Variants in FRMPD4 observed in about 807,000 individuals in gnomAD.
FRMPD4 encodes the protein FERM and PDZ domain-containing protein 4.
Under a neutral mutation model 94.1 loss-of-function variants are expected in FRMPD4, and 22 were observed. That is an observed-to-expected ratio of 0.23 (90% CI 0.17 to 0.33). The LOEUF is 0.33. FRMPD4 is among the 10% of genes least tolerant of loss of function. The pLI is 1.00. For synonymous variants in FRMPD4, 631 were observed against 548.6 expected (o/e 1.15, Z -2.10); for missense variants, 1,111 against 1,339.9 (o/e 0.83, Z 2.67).
At chrX:12,540,957 A>G (rs1397017842) in intron 2 of FRMPD4, among the ~76,000 whole-genome samples, 2 of 112,095 alleles carry the variant, frequency 1.8e-5, no homozygotes, top group Non-Finnish European at 3.8e-5. Flanking sequence ...GCCCAACTAC[A>G]TGGAAACTGA....
At chrX:12,166,715 G>C (rs1208383124) in intron 1 of FRMPD4, among the ~76,000 whole-genome samples, 2 of 111,238 alleles carry the variant, frequency 1.8e-5, no homozygotes, top group Middle Eastern at 4.6e-3. Context: ...ATTAATTATT[G>C]CCTCAATTTC....
intron 3 of FRMPD4, among the ~76,000 whole-genome samples, chrX:12,037,388 C>T: frequency 9.0e-6 from 1 of 111,181 alleles, no homozygotes; most frequent in Non-Finnish European, 1.9e-5. Flanking sequence ...AAAAGTTTCT[C>T]CTGCTCCTTT....
intron 1 of FRMPD4, among the ~76,000 whole-genome samples, chrX:12,305,561 CTT>C (rs5901471): frequency 1.1e-3 from 102 of 89,867 alleles, no homozygotes; most frequent in South Asian, 1.8e-3. Context: ...TTCCATAATC[CTT>C]TTTTTTTTTT....
chrX:12,465,658 A>C (rs2057441532), intron 1 of FRMPD4, among the ~76,000 whole-genome samples: 1 of 112,068 alleles, frequency 8.9e-6, no homozygotes, highest in African/African-American at 3.2e-5. Flanking sequence ...TTAATATTTA[A>C]AGATCAGGGT....
intron 5 of FRMPD4, among the ~76,000 whole-genome samples, chrX:12,680,025 T>C: frequency 8.9e-6 from 1 of 112,071 alleles, no homozygotes; most frequent in Non-Finnish European, 1.9e-5. Flanking sequence ...ATACCTGCTA[T>C]ATAAGTAATA....
intron 1 of FRMPD4, among the ~76,000 whole-genome samples, chrX:12,492,426 T>G (rs2057802321): frequency 8.9e-6 from 1 of 112,414 alleles, no homozygotes; most frequent in South Asian, 3.7e-4. Flanking sequence ...ATGTAATGAA[T>G]CAGATGAAAA....
At chrX:11,960,229 A>T (rs939513704) in intron 3 of FRMPD4, among the ~76,000 whole-genome samples, 1 of 111,828 alleles carries the variant, frequency 8.9e-6, no homozygotes, top group Non-Finnish European at 1.9e-5. Context: ...CTCCCTCCAG[A>T]TTTCCTTTCC....
intron 3 of FRMPD4, among the ~76,000 whole-genome samples, chrX:11,898,129 G>A (rs933559344): frequency 9.0e-6 from 1 of 111,402 alleles, no homozygotes; most frequent in Non-Finnish European, 1.9e-5. Flanking sequence ...GTGTGTGTGT[G>A]TATTGGGGGT....
chrX:12,136,920 CACACAT>C (rs1347988453), upstream of FRMPD4, among the ~76,000 whole-genome samples: 22 of 107,988 alleles, frequency 2.0e-4, no homozygotes, highest in East Asian at 1.7e-3. Flanking sequence ...CACACACACA[CACACAT>C]ACACACACAC....
At chrX:12,550,294 G>A (rs1303080907) in intron 2 of FRMPD4, among the ~76,000 whole-genome samples, 4 of 109,869 alleles carry the variant, frequency 3.6e-5, no homozygotes, top group African/African-American at 1.3e-4. Flanking sequence ...ATATAAAATT[G>A]ATAGACAATA....
At position 12,166,446 on chromosome X, in the gene FRMPD4, G is replaced by A. The variant is rs755394831; in HGVS notation, c.41+27434G>A. Among the ~76,000 whole-genome samples, 23 of 111,105 alleles carry A rather than the reference G, an allele frequency of 2.1e-4. No individual in the cohort carries two copies. The South Asian group carries it at 2.7e-3, about 13-fold the overall frequency. On this transcript the variant is annotated intron_variant, in intron 1 of 16. Transcript: ENST00000675598. Reference sequence around the variant, plus strand: ...AGCTTTTTGATGTGTTGCTGGATTCGGTTTGCCAGTATTTTATTGAGGATT... The same window carrying A: ...AGCTTTTTGATGTGTTGCTGGATTCAGTTTGCCAGTATTTTATTGAGGATT...
intron 2 of FRMPD4, among the ~76,000 whole-genome samples, chrX:11,870,473 A>G (rs999892278): frequency 2.7e-5 from 3 of 111,714 alleles, no homozygotes; most frequent in Non-Finnish European, 5.6e-5. Flanking sequence ...GGGCAGTGAC[A>G]TGGCGCTAGG....
At chrX:12,323,021 T>C (rs1839704344) in intron 1 of FRMPD4, among the ~76,000 whole-genome samples, 2 of 112,048 alleles carry the variant, frequency 1.8e-5, no homozygotes, top group African/African-American at 6.5e-5. Flanking sequence ...GAACGTTTTA[T>C]ATGTGCATGT....
At position 12,022,759 on chromosome X, in the gene FRMPD4, G is replaced by GTA. The variant is rs1040443353; in HGVS notation, c.95+144742_95+144743dup. Among the ~76,000 whole-genome samples the GTA allele has an allele frequency of 3.1e-4, 35 of 111,136 alleles. No individual in the cohort carries two copies. In the Middle Eastern group the frequency reaches 0.019, roughly 59 times the overall value. On this transcript the variant is annotated intron_variant, in intron 3 of 18. Coordinates refer to the FRMPD4 transcript ENST00000640291. The stretch of plus-strand genomic sequence containing the variant: ...ACCGCCAATTTAGTCTTGGCTTTCG[G>GTA]TAGGGTATTTATCTCAAACTTCTTA...
chrX:12,625,504 A>G (rs1301579335), intron 4 of FRMPD4, among the ~76,000 whole-genome samples: 13 of 111,996 alleles, frequency 1.2e-4, no homozygotes, highest in Non-Finnish European at 2.1e-4. Flanking sequence ...ATGAAACTCC[A>G]GTTCATTATG....
rs150190360 is a variant in FRMPD4 at position 12,084,953 on chromosome X, G to A, written c.95+206935G>A. On this transcript the variant is annotated intron_variant, in intron 3 of 18. Coordinates refer to the FRMPD4 transcript ENST00000640291. ...AGACAGTTGTTTGGATATCATCAGG[G>A]GATCAGAAATAATGGAAGAATAGAA... 2.3e-4 allele frequency among the ~76,000 whole-genome samples: 26 copies of A among 111,874 alleles called. 1 individual carries two copies. Among genetic ancestry groups the A allele is most frequent in the Non-Finnish European group, 4.1e-4 (22 of 53,200 alleles).
At chrX:12,533,317 C>T (rs1473188887) in intron 2 of FRMPD4, among the ~76,000 whole-genome samples, 1 of 112,247 alleles carries the variant, frequency 8.9e-6, no homozygotes, top group Non-Finnish European at 1.9e-5. Flanking sequence ...TCCAATAAAC[C>T]TCTTTCTTTT....
intron 1 of FRMPD4, among the ~76,000 whole-genome samples, chrX:12,268,390 G>A (rs758601132): frequency 8.9e-6 from 1 of 112,100 alleles, no homozygotes; most frequent in Non-Finnish European, 1.9e-5. Flanking sequence ...AACATCCAAT[G>A]GATAGGAGCC....
intron 2 of FRMPD4, among the ~76,000 whole-genome samples, chrX:12,525,961 CTACTTT>C (rs1429251888): frequency 1.8e-5 from 2 of 112,521 alleles, no homozygotes; most frequent in Non-Finnish European, 3.8e-5. Flanking sequence ...AGTCTTTTGC[CTACTTT>C]TAAATTGGGT....
Sources: gnomAD v4.1 joint callset for allele counts (sites outside exome capture counted in the v4.1 genomes callset) on GRCh38, gnomAD v4.1.1 for gene constraint, MANE v1.5 for transcripts, NCBI Gene and HGNC (gene_info 2026-07-23, HGNC 2026-07-21) for gene names.